Variants in CRACDL observed in about 807,000 individuals in gnomAD.
The protein encoded by CRACDL is CRACD-like protein.
CRACDL carries 26 observed loss-of-function variants against 70.6 expected under a neutral mutation model. The ratio of observed to expected loss-of-function variants is 0.37; its 90% CI spans 0.27 to 0.51. The LOEUF is 0.51. Ranked by LOEUF, CRACDL falls within the 20% of genes least tolerant of loss-of-function variation. The pLI is 0.94. For synonymous variants in CRACDL, 618 were observed against 615.2 expected (o/e 1.00, Z -0.07); for missense variants, 1,283 against 1,376.9 (o/e 0.93, Z 1.08).
At chr2:98,899,655 T>C (rs987515016) in intron 1 of CRACDL, among the ~76,000 whole-genome samples, 8 of 151,996 alleles carry the variant, frequency 5.3e-5, no homozygotes, top group Non-Finnish European at 7.4e-5. Flanking sequence ...AAGGCATCTA[T>C]GGAGGAAATG....
At chr2:98,920,141 T>G (rs1708766329) in intron 1 of CRACDL, among the ~76,000 whole-genome samples, 1 of 152,146 alleles carries the variant, frequency 6.6e-6, no homozygotes, top group Non-Finnish European at 1.5e-5. Context: ...ATAAGTTAAT[T>G]TGGAAACAAC....
chr2:98,911,654 A>C (rs1407666124), intron 1 of CRACDL, among the ~76,000 whole-genome samples: 2 of 152,172 alleles, frequency 1.3e-5, no homozygotes, highest in African/African-American at 4.8e-5. Flanking sequence ...GCCCCTTATC[A>C]ATGCTCTGCA....
chr2:98,901,531 A>C (rs946751042), intron 1 of CRACDL, among the ~76,000 whole-genome samples: 1 of 152,236 alleles, frequency 6.6e-6, no homozygotes, highest in Non-Finnish European at 1.5e-5. Flanking sequence ...TGGGGGCCGC[A>C]GGTGGACAGC....
chr2:98,913,454 G>C (rs568137093), intron 1 of CRACDL, among the ~76,000 whole-genome samples: 1 of 152,296 alleles, frequency 6.6e-6, no homozygotes, highest in East Asian at 1.9e-4. Flanking sequence ...GGGAGTGCTT[G>C]GGGAACAGGG....
At chr2:98,906,260 CT>C (rs200373942) in intron 1 of CRACDL, among the ~76,000 whole-genome samples, 19,362 of 138,938 alleles carry the variant, frequency 0.14, 1,186 homozygotes, top group East Asian at 0.34. Flanking sequence ...TTTTCTTTTC[CT>C]TTTTTTTTTT....
chr2:98,874,289 AGATTACATT>A (rs1707424328), intron 1 of CRACDL, among the ~76,000 whole-genome samples: 1 of 152,256 alleles, frequency 6.6e-6, no homozygotes. Flanking sequence ...CAGCCATCAT[AGATTACATT>A]GATCCCTGAT....
chr2:98,851,807 T>C (rs535065708), intron 1 of CRACDL, among the ~76,000 whole-genome samples: 1 of 152,318 alleles, frequency 6.6e-6, no homozygotes. Flanking sequence ...ACAGTAAAAC[T>C]TTCCACTGAT....
At chr2:98,830,658 A>G (rs541160166) in intron 5 of CRACDL, among the ~76,000 whole-genome samples, 2 of 152,334 alleles carry the variant, frequency 1.3e-5, no homozygotes, top group East Asian at 3.9e-4. Context: ...TTACCCAATA[A>G]TTGATAAAAT....
At chr2:98,825,191 A>G (rs2104477862) in intron 6 of CRACDL, among the ~76,000 whole-genome samples, 2 of 152,324 alleles carry the variant, frequency 1.3e-5, no homozygotes, top group South Asian at 4.1e-4. Flanking sequence ...GGCCCCCGGC[A>G]TCATAGGTTC....
intron 3 of CRACDL, among the ~76,000 whole-genome samples, chr2:98,837,455 T>TAA (rs113790129): frequency 0.019 from 2,735 of 145,176 alleles, 85 homozygotes; most frequent in African/African-American, 0.065. Flanking sequence ...AGCGTTGTCT[T>TAA]AAAAAAAAAA....
chr2:98,926,612 C>T (rs893161447), intron 1 of CRACDL, among the ~76,000 whole-genome samples: 3 of 152,302 alleles, frequency 2.0e-5, no homozygotes, highest in East Asian at 1.9e-4. Context: ...GCAATGTTCT[C>T]GCTGAACACC....
intron 1 of CRACDL, among the ~76,000 whole-genome samples, chr2:98,907,561 C>T (rs1708445568): frequency 6.6e-6 from 1 of 152,210 alleles, no homozygotes; most frequent in South Asian, 2.1e-4. Flanking sequence ...CAGCTGCCTG[C>T]ACTCTGATCT....
Position 98,822,942 on chromosome 2 carries a change from G to C in CRACDL, c.1331C>G (p.Pro444Arg). 6.8e-7 allele frequency: 1 copy of C among 1,460,892 alleles called. No homozygotes were observed. The highest frequency in any genetic ancestry group is 9.0e-7 in the Non-Finnish European group (1 of 1,112,002). 90.5% of individuals were successfully genotyped at this position (1,460,892 alleles called of 1,614,324 possible). ...CCCCTTCTCCTCATCCGGGAGCACGGGCGGCGTCGGCTCCGCTTCCTTCGG... is the reference window on the plus strand; with the variant it reads ...CCCCTTCTCCTCATCCGGGAGCACGCGCGGCGTCGGCTCCGCTTCCTTCGG... ...SVPKEAEPTP[P>R]VLPDEEKGPP... The change falls in exon 7 of 10, where the codon CCC (proline) becomes CGC (arginine). Residue 444 changes from proline to arginine, a missense_variant. Physicochemically the swap from Pro to Arg is moderately radical, Grantham distance 103. Coordinates refer to ENST00000397899, the MANE Select transcript of CRACDL (RefSeq NM_207362.3). The surrounding 1 kb of genome is among the most constrained non-coding windows in gnomAD (Gnocchi z 4.9).
chr2:98,888,868 G>A (rs1230520588), intron 1 of CRACDL, among the ~76,000 whole-genome samples: 1 of 152,148 alleles, frequency 6.6e-6, no homozygotes, highest in Non-Finnish European at 1.5e-5. Context: ...AGTGGCTCAC[G>A]CCTGTAATCC....
At chr2:98,816,382 T>A (rs1385839430) in intron 7 of CRACDL, among the ~76,000 whole-genome samples, 1 of 152,204 alleles carries the variant, frequency 6.6e-6, no homozygotes, top group Non-Finnish European at 1.5e-5. Context: ...GATTTTACTA[T>A]CATTTTTAGG....
chr2:98,910,411 C>T (rs1051441689), intron 1 of CRACDL, among the ~76,000 whole-genome samples: 24 of 151,984 alleles, frequency 1.6e-4, no homozygotes, highest in Non-Finnish European at 2.9e-4. Context: ...ATCCCAGCTA[C>T]TTGGGAGGCT....
In CRACDL at chr2:98,875,561, G is replaced by C. The variant is rs570267226; in HGVS notation, c.-10-28751C>G. On this transcript the variant is annotated intron_variant, in intron 1 of 9. Coordinates refer to ENST00000397899, the MANE Select transcript of CRACDL (RefSeq NM_207362.3). ...CAGACAGCAAGAGAGAACAGAGCAA[G>C]CCTGGGACAGTGGGCTGTCACCCGA... Among the ~76,000 whole-genome samples, 5 of 152,364 alleles carry C rather than the reference G, an allele frequency of 3.3e-5. No individual in the cohort carries two copies. The East Asian group carries it at 9.7e-4, about 29-fold the overall frequency.
At chr2:98,883,865 C>A (rs191352129) in intron 1 of CRACDL, among the ~76,000 whole-genome samples, 83 of 152,322 alleles carry the variant, frequency 5.4e-4, no homozygotes, top group Non-Finnish European at 8.5e-4. Context: ...AGGGATGAAG[C>A]TAATGGCAGG....
chr2:98,882,687 G>C (rs1471010563), intron 1 of CRACDL, among the ~76,000 whole-genome samples: 1 of 152,136 alleles, frequency 6.6e-6, no homozygotes, highest in Non-Finnish European at 1.5e-5. Context: ...AACAGAAAGA[G>C]TCCCAACTCA....
Sources: allele counts gnomAD v4.1 joint callset (sites outside exome capture counted in the v4.1 genomes callset), GRCh38; gene constraint gnomAD v4.1.1; non-coding constraint Gnocchi (gnomAD v3.1); transcripts MANE v1.5; gene names NCBI Gene and HGNC (gene_info 2026-07-23, HGNC 2026-07-21).